Variants in PDE4D observed in about 807,000 individuals in gnomAD.
PDE4D encodes the protein phosphodiesterase 4D.
PDE4D carries 24 observed loss-of-function variants against 87.4 expected under a neutral mutation model. The observed-to-expected ratio is 0.27, with a 90% CI of 0.20 to 0.39. The LOEUF (loss-of-function observed/expected upper bound fraction) is 0.39, where lower values mean the gene tolerates loss of function less well. PDE4D is among the 10% of genes least tolerant of loss of function. The pLI is 1.00. For synonymous variants in PDE4D, 384 were observed against 383.2 expected (o/e 1.00, Z -0.02); for missense variants, 714 against 1,041.0 (o/e 0.69, Z 4.32).
At chr5:60,000,455 G>A (rs571879592) in intron 2 of PDE4D, among the ~76,000 whole-genome samples, 93 of 152,126 alleles carry the variant, frequency 6.1e-4, no homozygotes, top group Non-Finnish European at 1.3e-3. Flanking sequence ...GAAAAAGTCT[G>A]TCAACCAAGC....
At chr5:60,031,302 T>C (rs1383447653) in intron 2 of PDE4D, among the ~76,000 whole-genome samples, 1 of 152,190 alleles carries the variant, frequency 6.6e-6, no homozygotes, top group Non-Finnish European at 1.5e-5. Flanking sequence ...TAAAGGCCTT[T>C]CACTGGCAAA....
chr5:60,039,986 A>T (rs1768277639), intron 2 of PDE4D, among the ~76,000 whole-genome samples: 1 of 152,206 alleles, frequency 6.6e-6, no homozygotes, highest in African/African-American at 2.4e-5. Context: ...TTTATCATTC[A>T]TTTAGAAATA....
chr5:59,588,388 G>A (rs1825490826), intron 1 of PDE4D, among the ~76,000 whole-genome samples: 1 of 152,064 alleles, frequency 6.6e-6, no homozygotes, highest in African/African-American at 2.4e-5. Flanking sequence ...GAAATCAGTG[G>A]GAGAATGGAC....
At chr5:59,317,665 G>A (rs1774002896) in intron 1 of PDE4D, among the ~76,000 whole-genome samples, 2 of 152,136 alleles carry the variant, frequency 1.3e-5, no homozygotes, top group South Asian at 2.1e-4. Flanking sequence ...CAGGCACACA[G>A]TGAACCAGCA....
chr5:60,066,424 A>T (rs1772099068), intron 2 of PDE4D, among the ~76,000 whole-genome samples: 1 of 152,066 alleles, frequency 6.6e-6, no homozygotes, highest in Admixed American at 6.6e-5. Context: ...TTTTGATAAG[A>T]TAGTAGACTT....
At chr5:59,626,154 TTAAAG>T (rs1830885241) in intron 1 of PDE4D, among the ~76,000 whole-genome samples, 2 of 152,290 alleles carry the variant, frequency 1.3e-5, no homozygotes, top group East Asian at 3.9e-4. Context: ...TCCGTTAACA[TTAAAG>T]TAATGTTTGT....
intron 1 of PDE4D, among the ~76,000 whole-genome samples, chr5:59,744,130 C>G (rs956509210): frequency 2.0e-5 from 3 of 152,140 alleles, no homozygotes; most frequent in African/African-American, 7.2e-5. Context: ...CTTACCAGTC[C>G]TACCATCTGA....
intron 1 of PDE4D, among the ~76,000 whole-genome samples, chr5:59,392,524 T>TATATATATATATATAGA (rs1562093627): frequency 6.7e-6 from 1 of 149,340 alleles, no homozygotes; most frequent in African/African-American, 2.5e-5. Context: ...TATATATATA[T>TATATATATATATATAGA]TCCATTAATT....
chr5:60,153,021 A>G (rs911289915), intron 2 of PDE4D, among the ~76,000 whole-genome samples: 14 of 152,228 alleles, frequency 9.2e-5, no homozygotes, highest in Non-Finnish European at 1.9e-4. Context: ...AAGTGAAACT[A>G]GACAAGTGGG....
intron 1 of PDE4D, among the ~76,000 whole-genome samples, chr5:59,507,331 CAAACAAAACAAAACA>C (rs536321342): frequency 9.9e-5 from 15 of 151,532 alleles, no homozygotes; most frequent in Admixed American, 9.2e-4. Flanking sequence ...AACTCTTTCT[CAAACAAAACAAAACA>C]AAACAAAACA....
chr5:59,691,846 ATAT>A (rs777140421), intron 1 of PDE4D, among the ~76,000 whole-genome samples: 3 of 152,124 alleles, frequency 2.0e-5, no homozygotes, highest in Non-Finnish European at 4.4e-5. Context: ...CATTCAATAA[ATAT>A]TATTTTATAT....
intron 5 of PDE4D, among the ~76,000 whole-genome samples, chr5:59,085,578 G>T (rs532733040): frequency 1.5e-4 from 23 of 152,112 alleles, no homozygotes; most frequent in Non-Finnish European, 2.8e-4. Flanking sequence ...GTCAAAAGTG[G>T]ACACTATAAA....
intron 1 of PDE4D, among the ~76,000 whole-genome samples, chr5:59,572,529 G>A (rs1822029205): frequency 6.6e-6 from 1 of 152,050 alleles, no homozygotes; most frequent in Admixed American, 6.5e-5. Context: ...CGCCCAGGCC[G>A]GACTGCAGTG....
chr5:60,042,359 T>G (rs1768621548), intron 2 of PDE4D, among the ~76,000 whole-genome samples: 2 of 152,196 alleles, frequency 1.3e-5, no homozygotes. Context: ...AAGGGGTGCC[T>G]GTAGGCGCTG....
At chr5:60,230,584 G>A (rs1337433463) in intron 1 of PDE4D, among the ~76,000 whole-genome samples, 3 of 152,064 alleles carry the variant, frequency 2.0e-5, no homozygotes, top group Admixed American at 1.3e-4. Flanking sequence ...TTTTAACTGA[G>A]GTTGACATAA....
intron 1 of PDE4D, chr5:60,460,127 CA>C: frequency 6.2e-7 from 1 of 1,601,890 alleles, no homozygotes; most frequent in Admixed American, 1.7e-5. Flanking sequence ...TCTGGTTCCT[CA>C]TGCTGCCTCT....
At chr5:59,277,170 G>A (rs1294288079) in intron 1 of PDE4D, among the ~76,000 whole-genome samples, 2 of 152,108 alleles carry the variant, frequency 1.3e-5, no homozygotes, top group Admixed American at 6.6e-5. Context: ...AATGTAGTAC[G>A]GCATCCGCCA....
intron 1 of PDE4D, among the ~76,000 whole-genome samples, chr5:59,776,917 A>T (rs1404028725): frequency 6.6e-6 from 1 of 152,138 alleles, no homozygotes; most frequent in Non-Finnish European, 1.5e-5. Context: ...GTTGAATACA[A>T]CTAAATGGGG....
intron 2 of PDE4D, among the ~76,000 whole-genome samples, chr5:60,136,343 G>T (rs1780046477): frequency 6.7e-6 from 1 of 149,674 alleles, no homozygotes; most frequent in Admixed American, 6.7e-5. Flanking sequence ...TTGAGATGAA[G>T]TCTTGCTCTG....
Sources: gnomAD v4.1 joint callset for allele counts (sites outside exome capture counted in the v4.1 genomes callset) on GRCh38, gnomAD v4.1.1 for gene constraint, MANE v1.5 for transcripts, NCBI Gene and HGNC (gene_info 2026-07-23, HGNC 2026-07-21) for gene names.